TTC34: variants seen among roughly 807,000 people sequenced by gnomAD.
TTC34 encodes tetratricopeptide repeat domain 34, also known as tetratricopeptide repeat protein 34.
Under a neutral mutation model 40.7 loss-of-function variants are expected in TTC34, and 44 were observed. The ratio of observed to expected loss-of-function variants is 1.08; its 90% CI spans 0.85 to 1.39. The LOEUF is 1.39. Among genes scored for constraint, TTC34 ranks in the 40% most tolerant of loss-of-function variants. The pLI is 0.00. For missense variants in TTC34, 884 were observed against 838.0 expected (o/e 1.05, Z -0.68); for synonymous variants, 422 against 398.6 (o/e 1.06, Z -0.70).
rs1643754919 is a variant in TTC34, at chr1:2,800,036, C to T, written c.784+8G>A. 2 of 398,374 alleles carry T rather than the reference C, an allele frequency of 5.0e-6. No homozygotes were observed. Among genetic ancestry groups the T allele is most frequent in the South Asian group, 1.3e-4 (1 of 7,846 alleles). 24.7% of individuals were successfully genotyped at this position (398,374 alleles called of 1,614,324 possible). On this transcript the variant is annotated splice_region_variant and intron_variant, in intron 2 of 8. Transcript: ENST00000401095. ...CCTGGCTCTGCAGGGGCCATGCCGT[C>T]CTCCTACCTTGGGGTTCGCTGCCGG...
At chr1:2,751,708 G>C (rs1641326328) in intron 6 of TTC34, among the ~76,000 whole-genome samples, 1 of 141,826 alleles carries the variant, frequency 7.1e-6, no homozygotes, top group Non-Finnish European at 1.5e-5. Context: ...GCATCCGACA[G>C]CCTGGAGCAG....
chr1:2,675,234 C>A (rs1436895445), intron 6 of TTC34, among the ~76,000 whole-genome samples: 12 of 128,530 alleles, frequency 9.3e-5, no homozygotes, highest in African/African-American at 2.6e-4. Flanking sequence ...TGGAACAGCA[C>A]CCACAACCCC....
intron 6 of TTC34, among the ~76,000 whole-genome samples, chr1:2,765,683 C>A (rs1202402678): frequency 8.5e-5 from 2 of 23,414 alleles, no homozygotes; most frequent in East Asian, 1.6e-3. Flanking sequence ...TACCCCCAGG[C>A]GAGCATCTGA....
chr1:2,688,449 C>G (rs545253670), intron 6 of TTC34, among the ~76,000 whole-genome samples: 11 of 97,922 alleles, frequency 1.1e-4, no homozygotes. Flanking sequence ...AGGACCCACA[C>G]CCCTAGGTGA....
Position 2,645,585 on chromosome 1 carries a change from G to C in TTC34, c.2227-22C>G. 2.3e-6 allele frequency: 1 copy of C among 441,024 alleles called. No individual in the cohort carries two copies. Among genetic ancestry groups the C allele is most frequent in the South Asian group, 2.0e-5 (1 of 50,664 alleles). The allele number at this position is 441,024 out of a possible 1,614,324, so 27.3% of individuals were successfully genotyped here. A position where few individuals can be genotyped will look rare whatever the true frequency, so the allele number is the denominator to read the frequency against. On this transcript the variant is annotated intron_variant, in intron 6 of 8. Transcript: ENST00000401095. This position sits in a 1 kb window ranked among gnomAD's most constrained non-coding sequence, Gnocchi z 4.7. The stretch of plus-strand genomic sequence containing the variant: ...CTTCCTGCAAGGAGGGAGGGCGGGC[G>C]GGTGCAGAGTTGTCCTAAGTAGAGA...
chr1:2,756,619 AC>A, intron 6 of TTC34, among the ~76,000 whole-genome samples: 1 of 152,286 alleles, frequency 6.6e-6, no homozygotes, highest in African/African-American at 2.4e-5. Flanking sequence ...CTGGAACAGC[AC>A]CCACACCCCC....
chr1:2,800,594 G>A (rs1002261429), exon 2 of TTC34: 14 of 398,322 alleles, frequency 3.5e-5, no homozygotes, highest in Non-Finnish European at 5.8e-5. Context: ...CTGCCATGCC[G>A]TCCCAGTGGA....
At chr1:2,787,109 G>C (rs1377214349) in intron 4 of TTC34, among the ~76,000 whole-genome samples, 2 of 152,216 alleles carry the variant, frequency 1.3e-5, no homozygotes, top group Non-Finnish European at 2.9e-5. Flanking sequence ...CCCAAGGCAG[G>C]GTTGCATCCA....
chr1:2,789,794 G>GC lies in TTC34; in HGVS notation c.1336dup (p.Ala446GlyfsTer126). Reference sequence around the variant, plus strand: ...GCGCACACAGCCCCCCGGGTGCGGCGCCCCCTGCTCCACTACCGTCTGGAA... The same window carrying GC: ...GCGCACACAGCCCCCCGGGTGCGGCGCCCCCCTGCTCCACTACCGTCTGGAA... On this transcript the variant is annotated frameshift_variant, in exon 3 of 9. Coordinates refer to ENST00000401095, the Ensembl canonical transcript of TTC34. LOFTEE classifies it high-confidence loss of function. 2.0e-6 allele frequency: 1 copy of GC among 500,200 alleles called. No individual in the cohort carries two copies. The highest frequency in any genetic ancestry group is 3.4e-6 in the Non-Finnish European group (1 of 295,898). 31.0% of individuals were successfully genotyped at this position (500,200 alleles called of 1,614,324 possible). A position where few individuals can be genotyped will look rare whatever the true frequency, so the allele number is the denominator to read the frequency against.
At chr1:2,749,521 G>C (rs1157044174) in intron 6 of TTC34, among the ~76,000 whole-genome samples, 2,191 of 17,952 alleles carry the variant, frequency 0.12, 138 homozygotes, top group African/African-American at 0.23. Flanking sequence ...GCAGCACCCA[G>C]ATTCCCAGGC....
chr1:2,782,199 ATCT>A (rs367782935), intron 6 of TTC34, among the ~76,000 whole-genome samples: 38 of 151,752 alleles, frequency 2.5e-4, no homozygotes, highest in African/African-American at 9.2e-4. Flanking sequence ...GTCTATTCAG[ATCT>A]TCTATTTCTT....
chr1:2,684,505 C>T (rs111394292), intron 6 of TTC34, among the ~76,000 whole-genome samples: 6 of 134,026 alleles, frequency 4.5e-5, no homozygotes, highest in African/African-American at 1.2e-4. Context: ...TGGCCTGGAA[C>T]GGCACCCACA....
intron 6 of TTC34, among the ~76,000 whole-genome samples, chr1:2,683,385 C>A (rs867091877): frequency 7.2e-5 from 10 of 139,644 alleles, no homozygotes; most frequent in East Asian, 2.3e-4. Context: ...TGGAACAGCA[C>A]CCACACGCCC....
intron 4 of TTC34, among the ~76,000 whole-genome samples, chr1:2,786,723 A>C (rs1404534560): frequency 6.6e-6 from 1 of 152,074 alleles, no homozygotes; most frequent in East Asian, 1.9e-4. Flanking sequence ...GCCAAGTAGG[A>C]CCAGGTCGCT....
At chr1:2,677,676 G>C (rs201243323) in intron 6 of TTC34, among the ~76,000 whole-genome samples, 15 of 147,926 alleles carry the variant, frequency 1.0e-4, no homozygotes, top group South Asian at 2.2e-4. Flanking sequence ...TGACAGCCTG[G>C]AACAGCACCC....
In TTC34 at chr1:2,792,959, G is replaced by A. The variant is rs117404462; in HGVS notation, c.785-2613C>T. ...CTAGTTTCTGCCTGCATGTGGTTAC[G>A]AATCCATGCCTTCAAATAGTCACTT... On this transcript the variant is annotated intron_variant, in intron 2 of 8. Transcript: ENST00000401095. Among the ~76,000 whole-genome samples, 25 of 152,304 alleles carry A rather than the reference G, an allele frequency of 1.6e-4. No homozygotes were observed. In the East Asian group the frequency reaches 2.9e-3, roughly 18 times the overall value.
At chr1:2,756,577 G>C (rs1641512481) in intron 6 of TTC34, among the ~76,000 whole-genome samples, 2 of 150,162 alleles carry the variant, frequency 1.3e-5, no homozygotes, top group East Asian at 3.9e-4. Flanking sequence ...GCCTGAAGCA[G>C]CACCCACACC....
At chr1:2,752,794 G>T (rs1641367346) in intron 6 of TTC34, among the ~76,000 whole-genome samples, 154 of 124,042 alleles carry the variant, frequency 1.2e-3, no homozygotes, top group Non-Finnish European at 1.8e-3. Flanking sequence ...GCATGTGACA[G>T]CCTGGAACAG....
In TTC34 at chr1:2,785,728, C is replaced by T. The variant is rs1055905099; in HGVS notation, c.2059+91G>A. On this transcript the variant is annotated intron_variant, in intron 5 of 8. Coordinates refer to ENST00000401095, the Ensembl canonical transcript of TTC34. ...GAGGCCCCTGCACCTGGGGAGCATG[C>T]GTGTCCCCACCAACCAGCATGGCAG... The T allele has an allele frequency of 5.8e-5, 80 of 1,370,956 alleles. No homozygotes were observed. In the African/African-American group the frequency reaches 8.7e-4, roughly 15 times the overall value. 84.9% of individuals were successfully genotyped at this position (1,370,956 alleles called of 1,614,324 possible).
Sources: allele counts gnomAD v4.1 joint callset (sites outside exome capture counted in the v4.1 genomes callset), GRCh38; gene constraint gnomAD v4.1.1; non-coding constraint Gnocchi (gnomAD v3.1); transcripts MANE v1.5; gene names NCBI Gene and HGNC (gene_info 2026-07-23, HGNC 2026-07-21).